DTX4: variants seen among roughly 807,000 people sequenced by gnomAD.
The protein encoded by DTX4 is deltex E3 ubiquitin ligase 4, also known as E3 ubiquitin-protein ligase DTX4.
Under a neutral mutation model 57.6 loss-of-function variants are expected in DTX4, and 28 were observed. That is an observed-to-expected ratio of 0.49 (90% confidence interval 0.36 to 0.67). The LOEUF (loss-of-function observed/expected upper bound fraction) is 0.67, where lower values mean the gene tolerates loss of function less well. Among genes scored for constraint, DTX4 ranks in the 30% least tolerant of loss-of-function variants. The pLI is 0.00. For synonymous variants in DTX4, 316 were observed against 331.0 expected, an observed-to-expected ratio of 0.95 and a Z score of 0.49; for missense variants, 715 against 836.8, an observed-to-expected ratio of 0.85 and a Z score of 1.80.
At chr11:59,171,734 G>C (rs1162460901), upstream of DTX4, among the ~76,000 whole-genome samples, 2 of 152,152 alleles carry the variant, frequency 1.3e-5, no homozygotes, top group Non-Finnish European at 1.5e-5. Flanking sequence ...GTGCGCGCGC[G>C]TGTGTGTGCG....
intron 7 of DTX4, 125 bp downstream of exon 7, chr11:59,195,494 T>C (rs12284698): frequency 0.024 from 27,453 of 1,129,660 alleles, 868 homozygotes; most frequent in African/African-American, 0.11. Flanking sequence ...TACCCAGCCT[T>C]GCCCGCTGAC....
Position 59,182,358 on chromosome 11 carries a change from C to T in DTX4, c.831C>T (p.Pro277=), listed in dbSNP as rs751219014. The T allele has an allele frequency of 9.3e-6, 15 of 1,613,742 alleles. No homozygotes were observed. The South Asian group carries it at 1.5e-4, about 17-fold the overall frequency. The change falls in exon 2 of 9, where the codon CCC becomes CCT. Residue 277 remains proline, a synonymous_variant. Coordinates refer to ENST00000227451, the MANE Select transcript of DTX4 (RefSeq NM_015177.2). Reference sequence around the variant, plus strand: ...CAACCATGGGCTCTCCTGCCAGTCCCCCAGGACCCAACAGCAAGACCGGAA... The same window carrying T: ...CAACCATGGGCTCTCCTGCCAGTCCTCCAGGACCCAACAGCAAGACCGGAA... ...TGTTMGSPAS[P]PGPNSKTGRV...
At chr11:59,184,516 C>CCA (rs1170855037) in intron 2 of DTX4, among the ~76,000 whole-genome samples, 1 of 152,162 alleles carries the variant, frequency 6.6e-6, no homozygotes, top group Non-Finnish European at 1.5e-5. Context: ...TAACAGGTGT[C>CCA]CATGTAGGGG....
chr11:59,181,472 G>A (rs1486010068), intron 1 of DTX4, among the ~76,000 whole-genome samples: 1 of 152,196 alleles, frequency 6.6e-6, no homozygotes, highest in Non-Finnish European at 1.5e-5. Flanking sequence ...TGCAAAGCAG[G>A]AGGCAGTCTT....
chr11:59,188,930 G>A (rs895525228), intron 3 of DTX4, 134 bp downstream of exon 3: 5 of 1,001,472 alleles, frequency 5.0e-6, no homozygotes, highest in Non-Finnish European at 7.4e-6. Flanking sequence ...GGAATTGCAT[G>A]GGAAGGGTAT....
At chr11:59,177,075 C>T (rs1862404807) in intron 1 of DTX4, among the ~76,000 whole-genome samples, 1 of 152,190 alleles carries the variant, frequency 6.6e-6, no homozygotes, top group African/African-American at 2.4e-5. Context: ...ATCCCTCTGA[C>T]ACCATTTTAC....
At position 59,172,413 on chromosome 11, in the gene DTX4, GC is replaced by G; in HGVS notation, c.-179del. ...CCAGCCAGGCGGCCCCGGTGTCCCGGCCCCGGTGGATGCACGGCTGGGGAGG... is the reference window on the plus strand; with the variant it reads ...CCAGCCAGGCGGCCCCGGTGTCCCGGCCCGGTGGATGCACGGCTGGGGAGG... On this transcript the variant is annotated 5_prime_UTR_variant, in exon 1 of 9. It introduces an in-frame stop codon into an upstream open reading frame of the 5' UTR. Transcript: ENST00000227451. The G allele has an allele frequency of 5.2e-6, 1 of 193,452 alleles. No homozygotes were observed. The highest frequency in any genetic ancestry group is 1.0e-5 in the Non-Finnish European group (1 of 100,462). 12.0% of individuals were successfully genotyped at this position (193,452 alleles called of 1,614,324 possible).
chr11:59,193,753 A>G (rs1167924990), intron 6 of DTX4, among the ~76,000 whole-genome samples: 3 of 152,240 alleles, frequency 2.0e-5, no homozygotes, highest in African/African-American at 7.2e-5. Flanking sequence ...ACCCTAGGTC[A>G]TGAAGCAAGT....
chr11:59,184,036 T>A (rs1295900671), intron 2 of DTX4, among the ~76,000 whole-genome samples: 1 of 152,240 alleles, frequency 6.6e-6, no homozygotes, highest in South Asian at 2.1e-4. Flanking sequence ...AGCTCCTCAT[T>A]GTACACAAAG....
At chr11:59,181,549 T>C (rs948581238) in intron 1 of DTX4, among the ~76,000 whole-genome samples, 190 bp from the exon 2 acceptor site, 1 of 152,214 alleles carries the variant, frequency 6.6e-6, no homozygotes, top group African/African-American at 2.4e-5. Context: ...TCTACCCTGG[T>C]TGGACTATAG....
chr11:59,173,532 A>C (rs1181581939), intron 1 of DTX4, among the ~76,000 whole-genome samples: 1 of 152,136 alleles, frequency 6.6e-6, no homozygotes, highest in East Asian at 1.9e-4. Flanking sequence ...GGGGCTTCGG[A>C]ATGCATGGCA....
intron 6 of DTX4, among the ~76,000 whole-genome samples, chr11:59,194,623 A>G (rs189285585): frequency 2.0e-5 from 3 of 152,336 alleles, no homozygotes; most frequent in Non-Finnish European, 2.9e-5. Flanking sequence ...TCCTTCTCCT[A>G]TAAGGGAAAC....
intron 2 of DTX4, among the ~76,000 whole-genome samples, chr11:59,182,807 C>T (rs1186423646): frequency 1.3e-5 from 2 of 152,110 alleles, no homozygotes; most frequent in African/African-American, 2.4e-5. Context: ...TGTGGCCAGG[C>T]GTGGTGGTTC....
intron 1 of DTX4, among the ~76,000 whole-genome samples, chr11:59,179,812 G>A (rs1293910983): frequency 6.6e-6 from 1 of 152,108 alleles, no homozygotes; most frequent in East Asian, 1.9e-4. Flanking sequence ...CCAGCCAGAG[G>A]TCCCTGGCTT....
Position 59,204,838 on chromosome 11 carries a change from C to A in DTX4, c.1789C>A (p.Leu597Met). The A allele has an allele frequency of 6.2e-7, 1 of 1,609,648 alleles. No individual in the cohort carries two copies. The highest frequency in any genetic ancestry group is 1.3e-5 in the African/African-American group (1 of 74,978). ...TGHGYPDANY[L>M]DNVLAELAAQ... Reference sequence around the variant, plus strand: ...CCATGGCTACCCAGATGCCAATTACCTGGATAATGTGCTGGCTGAACTGGC... The same window carrying A: ...CCATGGCTACCCAGATGCCAATTACATGGATAATGTGCTGGCTGAACTGGC... Residue 597 changes from leucine to methionine, a missense_variant, in exon 9 of 9, where the codon CTG becomes ATG. Transcript: ENST00000227451.
chr11:59,208,440 C>T lies in DTX4; in HGVS notation c.*3531C>T, dbSNP rs183450197. 1 of 152,148 alleles carries T rather than the reference C, an allele frequency of 6.6e-6. No individual in the cohort carries two copies. Among genetic ancestry groups the T allele is most frequent in the South Asian group, 2.1e-4 (1 of 4,834 alleles). 9.4% of individuals were successfully genotyped at this position (152,148 alleles called of 1,614,324 possible). A position where few individuals can be genotyped will look rare whatever the true frequency, so the allele number is the denominator to read the frequency against. On this transcript the variant is annotated 3_prime_UTR_variant, in exon 9 of 9. Transcript: ENST00000227451. Reference sequence around the variant, plus strand: ...TGGGAGAAAAACACTTTTAGAATCACGAATATTCACTTTTAAAGGTCTCTT... The same window carrying T: ...TGGGAGAAAAACACTTTTAGAATCATGAATATTCACTTTTAAAGGTCTCTT...
At chr11:59,203,927 C>T (rs1283850926) in intron 8 of DTX4, among the ~76,000 whole-genome samples, 1 of 152,196 alleles carries the variant, frequency 6.6e-6, no homozygotes, top group Non-Finnish European at 1.5e-5. Flanking sequence ...TCTCCTCCAG[C>T]CCATACCATG....
At chr11:59,172,102 G>A (rs1862331117), upstream of DTX4, among the ~76,000 whole-genome samples, 1 of 151,870 alleles carries the variant, frequency 6.6e-6, no homozygotes, top group East Asian at 2.0e-4. Flanking sequence ...TGGGGAGGGA[G>A]GGAGAGAGGG....
chr11:59,192,000 G>GA, intron 5 of DTX4, 98 bp from the exon 6 acceptor site: 1 of 1,382,840 alleles, frequency 7.2e-7, no homozygotes, highest in African/African-American at 1.4e-5. Flanking sequence ...TTTTAGAAGA[G>GA]AAGTGGTAAG....
Sources: gnomAD v4.1 joint callset for allele counts (sites outside exome capture counted in the v4.1 genomes callset) on GRCh38, gnomAD v4.1.1 for gene constraint, MANE v1.5 for transcripts, NCBI Gene and HGNC (gene_info 2026-07-23, HGNC 2026-07-21) for gene names.